DNAH12: variants seen among roughly 807,000 people sequenced by gnomAD.
The protein encoded by DNAH12 is axonemal beta dynein heavy chain 12.
DNAH12 carries 285 observed loss-of-function variants against 371.5 expected under a neutral mutation model. That is an observed-to-expected ratio of 0.77 (90% CI 0.70 to 0.85). The LOEUF (loss-of-function observed/expected upper bound fraction) is 0.85, where lower values mean the gene tolerates loss of function less well. DNAH12 is among the 40% of genes least tolerant of loss of function. DNAH12 has a pLI of 0.00. For missense variants in DNAH12, 3,611 were observed against 3,689.4 expected, an observed-to-expected ratio of 0.98 and a Z score of 0.55; for synonymous variants, 1,200 against 1,213.0, an observed-to-expected ratio of 0.99 and a Z score of 0.22.
intron 12 of DNAH12, among the ~76,000 whole-genome samples, chr3:57,488,035 T>C (rs2066993178): frequency 6.6e-6 from 1 of 152,188 alleles, no homozygotes; most frequent in Admixed American, 6.5e-5. Flanking sequence ...ATATGCCTGA[T>C]AAATTTGACT....
chr3:57,515,373 G>A (rs750198974), intron 4 of DNAH12, among the ~76,000 whole-genome samples: 3 of 112,270 alleles, frequency 2.7e-5, no homozygotes, highest in Non-Finnish European at 6.1e-5. Flanking sequence ...CTCAAAGAAT[G>A]ATGGGATATG....
intron 65 of DNAH12, among the ~76,000 whole-genome samples, chr3:57,320,512 T>G (rs563334703): frequency 6.6e-6 from 1 of 152,218 alleles, no homozygotes; most frequent in African/African-American, 2.4e-5. Context: ...GGCCAAATGA[T>G]GATAGTTCAA....
chr3:57,302,268 G>A (rs1380172548), intron 69 of DNAH12, among the ~76,000 whole-genome samples: 1 of 151,914 alleles, frequency 6.6e-6, no homozygotes, highest in Non-Finnish European at 1.5e-5. Flanking sequence ...TATTTCAGGT[G>A]ACAGGCAAAT....
intron 2 of DNAH12, among the ~76,000 whole-genome samples, chr3:57,528,726 C>CA (rs1387052838): frequency 0.023 from 2,751 of 120,242 alleles, 75 homozygotes; most frequent in African/African-American, 0.071. Context: ...AACTCTGTCT[C>CA]AAAAAAAAAA....
chr3:57,505,027 A>G (rs2067699835), intron 8 of DNAH12, among the ~76,000 whole-genome samples: 1 of 152,114 alleles, frequency 6.6e-6, no homozygotes, highest in East Asian at 1.9e-4. Context: ...AGCTGGAACT[A>G]CATTCACAAG....
intron 25 of DNAH12, among the ~76,000 whole-genome samples, chr3:57,448,014 G>A (rs536554933): frequency 4.0e-4 from 61 of 152,200 alleles, no homozygotes; most frequent in African/African-American, 1.4e-3. Context: ...TATTGTTAAT[G>A]CCCATTAACT....
intron 35 of DNAH12, among the ~76,000 whole-genome samples, chr3:57,423,404 A>C (rs1020468317): frequency 2.0e-5 from 3 of 152,246 alleles, no homozygotes; most frequent in Admixed American, 6.5e-5. Context: ...AAAGGAATAA[A>C]TAAATTATAC....
At chr3:57,299,037 G>T (rs1202021322) in intron 70 of DNAH12, among the ~76,000 whole-genome samples, 2 of 152,170 alleles carry the variant, frequency 1.3e-5, no homozygotes, top group East Asian at 3.9e-4. Context: ...TCCATAGGAG[G>T]AAGAGAACAA....
intron 60 of DNAH12, among the ~76,000 whole-genome samples, chr3:57,346,127 C>A (rs1343787505): frequency 6.6e-6 from 1 of 152,022 alleles, no homozygotes; most frequent in Non-Finnish European, 1.5e-5. Flanking sequence ...TCACTATAAC[C>A]TGTATGTTCT....
At chr3:57,530,998 T>C (rs73080600) in intron 2 of DNAH12, 19,042 of 152,598 alleles carry the variant, frequency 0.12, 1,350 homozygotes, top group South Asian at 0.21. Context: ...TCTTGAAAAA[T>C]TGTTATTGTT....
chr3:57,462,241 G>GTGTTT (rs112691293), intron 18 of DNAH12, among the ~76,000 whole-genome samples: 30 of 150,582 alleles, frequency 2.0e-4, no homozygotes, highest in African/African-American at 5.4e-4. Context: ...GGAGGAAAGA[G>GTGTTT]TGTTTTGTTT....
At position 57,452,990 on chromosome 3, in the gene DNAH12, C is replaced by T. The variant is rs1344419390; in HGVS notation, c.3639G>A (p.Leu1213=). The change falls in exon 25 of 74, where the codon CTG becomes CTA. Residue 1213 remains leucine, a synonymous_variant. Transcript: ENST00000495027. ...KMGVSHDTDF[L]WLAQLRYYWE... ...AATAATATCGGAGCTGAGCAAGCCA[C>T]AGGAAATCTGTATCATGTGAGACAC... The T allele has an allele frequency of 3.2e-6, 5 of 1,549,108 alleles. No individual in the cohort carries two copies. Among genetic ancestry groups the T allele is most frequent in the African/African-American group, 2.7e-5 (2 of 72,856 alleles).
At chr3:57,457,311 G>A (rs2065928727) in intron 22 of DNAH12, among the ~76,000 whole-genome samples, 1 of 152,106 alleles carries the variant, frequency 6.6e-6, no homozygotes, top group Admixed American at 6.6e-5. Flanking sequence ...AGACATATTT[G>A]TCTTCTTTCA....
intron 43 of DNAH12, among the ~76,000 whole-genome samples, chr3:57,402,018 C>T (rs1474663412): frequency 2.0e-5 from 3 of 152,166 alleles, no homozygotes; most frequent in Non-Finnish European, 4.4e-5. Flanking sequence ...TCAAAGTCCA[C>T]GTTCTTGCTA....
At chr3:57,470,359 A>C (rs954556981) in intron 16 of DNAH12, 84 bp downstream of exon 16, 16 of 1,316,768 alleles carry the variant, frequency 1.2e-5, no homozygotes, top group Non-Finnish European at 1.6e-5. Flanking sequence ...ACTTTTAAAC[A>C]CTTAACCAAA....
intron 60 of DNAH12, among the ~76,000 whole-genome samples, chr3:57,350,577 A>G (rs2062649135): frequency 6.6e-6 from 1 of 152,196 alleles, no homozygotes; most frequent in Non-Finnish European, 1.5e-5. Context: ...AAGCTTCCAG[A>G]TGGTTATATA....
chr3:57,508,305 C>A, intron 7 of DNAH12, 77 bp downstream of exon 7: 1 of 1,326,080 alleles, frequency 7.5e-7, no homozygotes, highest in Non-Finnish European at 9.9e-7. Context: ...TTTAGGATTC[C>A]ATTTTAAAAA....
At chr3:57,487,397 A>G (rs1352117415) in intron 12 of DNAH12, among the ~76,000 whole-genome samples, 4 of 119,874 alleles carry the variant, frequency 3.3e-5, no homozygotes, top group South Asian at 6.3e-4. Flanking sequence ...AAGAGAAAGA[A>G]AGAAAGAAAA....
At chr3:57,349,458 C>G (rs1455394785) in intron 60 of DNAH12, among the ~76,000 whole-genome samples, 3 of 152,116 alleles carry the variant, frequency 2.0e-5, no homozygotes, top group African/African-American at 7.2e-5. Flanking sequence ...TCCAGCAATC[C>G]CCCTACTCGG....
Sources: allele counts gnomAD v4.1 joint callset (sites outside exome capture counted in the v4.1 genomes callset), GRCh38; gene constraint gnomAD v4.1.1; transcripts MANE v1.5; gene names NCBI Gene and HGNC (gene_info 2026-07-23, HGNC 2026-07-21).